NSMCE2: variants seen among roughly 807,000 people sequenced by gnomAD.
The protein encoded by NSMCE2 is NSE2 SUMO ligase component of SMC5/6 complex.
NSMCE2 carries 24 observed loss-of-function variants against 23.8 expected under a neutral mutation model. The ratio of observed to expected loss-of-function variants is 1.01; its 90% CI spans 0.73 to 1.42. The LOEUF (loss-of-function observed/expected upper bound fraction) is 1.42. Among genes scored for constraint, NSMCE2 ranks in the 40% most tolerant of loss-of-function variants. The pLI is 0.00. For synonymous variants in NSMCE2, 92 were observed against 94.1 expected (o/e 0.98, Z 0.13); for missense variants, 284 against 296.5 (o/e 0.96, Z 0.31).
intron 5 of NSMCE2, among the ~76,000 whole-genome samples, chr8:125,225,517 T>C (rs1200914011): frequency 6.6e-6 from 1 of 152,214 alleles, no homozygotes; most frequent in Non-Finnish European, 1.5e-5. Context: ...CAGCTCACCC[T>C]GTTTGCATAT....
At chr8:125,311,201 T>C (rs1269638333) in intron 5 of NSMCE2, among the ~76,000 whole-genome samples, 1 of 152,220 alleles carries the variant, frequency 6.6e-6, no homozygotes, top group African/African-American at 2.4e-5. Context: ...CAGAAGCATG[T>C]ATTTCCTTTC....
At chr8:125,345,721 A>C (rs968748008) in intron 5 of NSMCE2, among the ~76,000 whole-genome samples, 6 of 152,212 alleles carry the variant, frequency 3.9e-5, no homozygotes, top group African/African-American at 1.2e-4. Context: ...ATAGCAGCAG[A>C]AGCACAAACT....
At chr8:125,261,235 T>C (rs1353488154) in intron 5 of NSMCE2, among the ~76,000 whole-genome samples, 2 of 152,220 alleles carry the variant, frequency 1.3e-5, no homozygotes, top group Non-Finnish European at 2.9e-5. Context: ...GGAGCAAGTT[T>C]ATGCAAGCTA....
intron 5 of NSMCE2, among the ~76,000 whole-genome samples, chr8:125,335,469 T>G (rs78561824): frequency 0.012 from 1,767 of 152,314 alleles, 39 homozygotes; most frequent in African/African-American, 0.039. Flanking sequence ...CCCTGCTGGA[T>G]CCTTCCAAAT....
chr8:125,288,311 A>G lies in NSMCE2; in HGVS notation c.419-68908A>G, dbSNP rs576916022. On this transcript the variant is annotated intron_variant, in intron 5 of 7. Transcript: ENST00000287437. ...GACGTAACAGGAGGCCCTCAGCCTC[A>G]AGATAATTTTTTTCTTCTGATATCA... is the stretch of plus-strand genomic sequence containing the variant. 3.3e-5 allele frequency among the ~76,000 whole-genome samples: 5 copies of G among 152,306 alleles called. No individual in the cohort carries two copies. In the East Asian group the frequency reaches 9.6e-4, roughly 29 times the overall value.
At chr8:125,340,977 C>T (rs1462688060) in intron 5 of NSMCE2, among the ~76,000 whole-genome samples, 1 of 152,176 alleles carries the variant, frequency 6.6e-6, no homozygotes, top group Non-Finnish European at 1.5e-5. Flanking sequence ...CCTTTATTTG[C>T]TCCTGAATTC....
chr8:125,219,582 C>T (rs530872524), intron 5 of NSMCE2, among the ~76,000 whole-genome samples: 9 of 152,096 alleles, frequency 5.9e-5, no homozygotes, highest in East Asian at 3.9e-4. Context: ...GCTTGTGCAA[C>T]GATATTAAAT....
At chr8:125,348,771 G>T (rs1004844322) in intron 5 of NSMCE2, 1 of 152,074 alleles carries the variant, frequency 6.6e-6, no homozygotes, top group African/African-American at 2.4e-5. Context: ...CTCCAGCCAC[G>T]TGGAACTGTG....
intron 3 of NSMCE2, among the ~76,000 whole-genome samples, chr8:125,103,872 A>G (rs1205751607): frequency 6.6e-6 from 1 of 150,862 alleles, no homozygotes; most frequent in Non-Finnish European, 1.5e-5. Context: ...TTGTGTCCAT[A>G]TTTTCCTCTA....
At chr8:125,103,814 A>C (rs1229624165) in intron 3 of NSMCE2, among the ~76,000 whole-genome samples, 1 of 151,720 alleles carries the variant, frequency 6.6e-6, no homozygotes, top group South Asian at 2.1e-4. Flanking sequence ...AAGACATAAC[A>C]AAGAATTAAG....
At chr8:125,137,930 G>A (rs1371499364) in intron 3 of NSMCE2, among the ~76,000 whole-genome samples, 1 of 152,212 alleles carries the variant, frequency 6.6e-6, no homozygotes, top group African/African-American at 2.4e-5. Flanking sequence ...CTGGCACATA[G>A]TATGTGCTCA....
chr8:125,366,868 C>A lies in NSMCE2; in HGVS notation c.727C>A (p.His243Asn), dbSNP rs1175614923. 6.2e-7 allele frequency: 1 copy of A among 1,604,372 alleles called. No individual in the cohort carries two copies. Among genetic ancestry groups the A allele is most frequent in the Non-Finnish European group, 8.5e-7 (1 of 1,171,182 alleles). Residue 243 changes from histidine to asparagine, a missense_variant, in exon 8 of 8, where the codon CAT (histidine) becomes AAT (asparagine). Physicochemically the swap from His to Asn is moderately conservative, Grantham distance 68 (BLOSUM62 1). Around this residue, in one of 2 missense-constraint regions of NSMCE2, gnomAD observed 102 missense variants for 141.0 expected, o/e 0.72. Transcript: ENST00000287437. ...RAIENHNKKR[H>N]RHSE is the part of the protein sequence containing the mutation. ...AATTGAGAACCATAACAAGAAAAGACATCGTCATTCCGAGTAGGAAAAGCC... is the reference window on the plus strand; with the variant it reads ...AATTGAGAACCATAACAAGAAAAGAAATCGTCATTCCGAGTAGGAAAAGCC...
At chr8:125,216,565 C>T (rs1312110324) in intron 5 of NSMCE2, among the ~76,000 whole-genome samples, 6 of 150,046 alleles carry the variant, frequency 4.0e-5, no homozygotes, top group Non-Finnish European at 7.4e-5. Flanking sequence ...ACCTGGGAGG[C>T]GGAGGTTGCG....
chr8:125,294,054 T>C (rs1254030454), intron 5 of NSMCE2, among the ~76,000 whole-genome samples: 1 of 152,238 alleles, frequency 6.6e-6, no homozygotes, highest in African/African-American at 2.4e-5. Context: ...CATATAAACA[T>C]GCATATGTGG....
intron 3 of NSMCE2, chr8:125,130,295 G>A: frequency 2.2e-6 from 1 of 455,978 alleles, no homozygotes. Flanking sequence ...AACATGACCA[G>A]TAATGTCAAC....
rs111888103 is a variant in NSMCE2, at chr8:125,151,797, C to T, written c.264+520C>T. 2.1e-3 allele frequency among the ~76,000 whole-genome samples: 321 copies of T among 152,276 alleles called. 2 individuals carry two copies. The highest frequency in any genetic ancestry group is 7.5e-3 in the African/African-American group (313 of 41,560). Reference sequence around the variant, plus strand: ...GACTCCAGCTGTCACAGGAACAACACATAAGGCAGTTAAGGTGGGAACATA... The same window carrying T: ...GACTCCAGCTGTCACAGGAACAACATATAAGGCAGTTAAGGTGGGAACATA... On this transcript the variant is annotated intron_variant, in intron 4 of 7. Transcript: ENST00000287437.
At chr8:125,194,297 C>CTA (rs1823501406) in intron 5 of NSMCE2, among the ~76,000 whole-genome samples, 1 of 152,006 alleles carries the variant, frequency 6.6e-6, no homozygotes, top group South Asian at 2.1e-4. Flanking sequence ...TTTGTTTTTT[C>CTA]TATATATAAT....
In NSMCE2 at chr8:125,151,220, T is replaced by C. The variant is rs1821007923; in HGVS notation, c.207T>C (p.Ala69=). ...YSMDKAMVEF[A]TLDRQLNHYV... ...TGGACAAGGCAATGGTTGAATTTGC[T>C]ACATTGGATCGGCAACTAAACCATT... Residue 69 remains alanine, a synonymous_variant, in exon 4 of 8, where the codon GCT becomes GCC. Coordinates refer to ENST00000287437, the MANE Select transcript of NSMCE2 (RefSeq NM_173685.4). 2 of 1,610,552 alleles carry C rather than the reference T, an allele frequency of 1.2e-6. No homozygotes were observed. Among genetic ancestry groups the C allele is most frequent in the African/African-American group, 1.3e-5 (1 of 74,822 alleles).
intron 5 of NSMCE2, among the ~76,000 whole-genome samples, chr8:125,257,522 CTTTTTTTTTTTTTTT>C (rs1174718163): frequency 1.2e-4 from 10 of 84,620 alleles, no homozygotes; most frequent in South Asian, 4.4e-4. Flanking sequence ...CCAAATTTCT[CTTTTTTTTTTTTTTT>C]TTTTTTTTTT....
Sources: allele counts gnomAD v4.1 joint callset (sites outside exome capture counted in the v4.1 genomes callset), GRCh38; gene constraint gnomAD v4.1.1; regional missense constraint gnomAD v4.1.1; transcripts MANE v1.5; gene names NCBI Gene and HGNC (gene_info 2026-07-23, HGNC 2026-07-21).